GABRA2: variants seen among roughly 807,000 people sequenced by gnomAD.
The protein encoded by GABRA2 is gamma-aminobutyric acid type A receptor subunit alpha2.
Under a neutral mutation model 48.7 loss-of-function variants are expected in GABRA2, and 16 were observed. The observed-to-expected ratio is 0.33, with a 90% CI of 0.22 to 0.50. GABRA2 has a LOEUF of 0.50. Ranked by LOEUF, GABRA2 falls within the 20% of genes least tolerant of loss-of-function variation. The probability of loss-of-function intolerance (pLI) is 0.98; values close to 1 mark genes in which losing one functional copy is unlikely to be tolerated. For synonymous variants in GABRA2, 185 were observed against 184.5 expected, an observed-to-expected ratio of 1.00 and a Z score of -0.02; for missense variants, 275 against 535.6, an observed-to-expected ratio of 0.51 and a Z score of 4.80.
chr4:46,301,758 C>T (rs1725780920), intron 8 of GABRA2, among the ~76,000 whole-genome samples: 1 of 152,112 alleles, frequency 6.6e-6, no homozygotes, highest in Non-Finnish European at 1.5e-5. Context: ...ACCTTATTAC[C>T]CTTCCTGGTT....
rs1578114211 is a variant in GABRA2 at position 46,342,454 on chromosome 4, G to A, written c.188-9772C>T. Reference sequence around the variant, plus strand: ...TTTCACTCCAAGTATTAAAAGCTGTGGCCTTATATTCATGACCCACACAAC... The same window carrying A: ...TTTCACTCCAAGTATTAAAAGCTGTAGCCTTATATTCATGACCCACACAAC... On this transcript the variant is annotated intron_variant, in intron 3 of 9. Coordinates refer to ENST00000381620, the MANE Select transcript of GABRA2 (RefSeq NM_000807.4). Among the ~76,000 whole-genome samples the A allele has an allele frequency of 2.0e-5, 3 of 151,966 alleles. No individual in the cohort carries two copies. In the East Asian group the frequency reaches 5.9e-4, roughly 30 times the overall value.
At chr4:46,336,731 G>A (rs1252344186) in intron 3 of GABRA2, among the ~76,000 whole-genome samples, 8 of 152,068 alleles carry the variant, frequency 5.3e-5, no homozygotes, top group Non-Finnish European at 1.2e-4. Context: ...CTGCAGACAT[G>A]TACTGAGGAA....
intron 8 of GABRA2, among the ~76,000 whole-genome samples, chr4:46,268,153 A>C (rs1368328644): frequency 6.6e-6 from 1 of 151,948 alleles, no homozygotes; most frequent in East Asian, 1.9e-4. Context: ...ATGATTTTTT[A>C]GGTTTGACTG....
chr4:46,289,629 A>T (rs1360758740), intron 8 of GABRA2, among the ~76,000 whole-genome samples: 3 of 152,146 alleles, frequency 2.0e-5, no homozygotes, highest in Non-Finnish European at 4.4e-5. Context: ...TAATGAAATA[A>T]TCTGCACAAC....
chr4:46,258,625 C>A (rs534412906), intron 9 of GABRA2, among the ~76,000 whole-genome samples: 2 of 151,740 alleles, frequency 1.3e-5, no homozygotes, highest in Non-Finnish European at 2.9e-5. Context: ...ACTCTGAACT[C>A]TGGCAGAGAA....
intron 3 of GABRA2, among the ~76,000 whole-genome samples, chr4:46,361,742 G>A (rs989942054): frequency 6.6e-6 from 1 of 152,240 alleles, no homozygotes; most frequent in Non-Finnish European, 1.5e-5. Flanking sequence ...CAGCCAGGAG[G>A]AGGGCTATAC....
At chr4:46,361,557 A>G (rs557627672) in intron 3 of GABRA2, among the ~76,000 whole-genome samples, 3 of 152,196 alleles carry the variant, frequency 2.0e-5, no homozygotes, top group Non-Finnish European at 4.4e-5. Flanking sequence ...TGCTAGAACA[A>G]TGAGGAAGGG....
intron 3 of GABRA2, among the ~76,000 whole-genome samples, chr4:46,341,282 C>T (rs2109855054): frequency 6.6e-6 from 1 of 151,756 alleles, no homozygotes; most frequent in South Asian, 2.1e-4. Context: ...ACATATTTTC[C>T]TGTTTCTTTT....
chr4:46,311,865 G>A (rs1368736123), intron 5 of GABRA2, among the ~76,000 whole-genome samples: 3 of 152,200 alleles, frequency 2.0e-5, no homozygotes, highest in Non-Finnish European at 4.4e-5. Context: ...TTGGGATGCC[G>A]AGGTGGGTGG....
intron 8 of GABRA2, among the ~76,000 whole-genome samples, chr4:46,293,214 A>G (rs1454633791): frequency 6.6e-6 from 1 of 152,192 alleles, no homozygotes; most frequent in Non-Finnish European, 1.5e-5. Context: ...GGAATTATAA[A>G]AACAGAGAAT....
intron 3 of GABRA2, among the ~76,000 whole-genome samples, chr4:46,359,138 CT>C (rs1712707624): frequency 6.6e-6 from 1 of 152,108 alleles, no homozygotes; most frequent in African/African-American, 2.4e-5. Context: ...AAATATTCTT[CT>C]TGACCCAAAG....
chr4:46,345,679 G>A (rs1389200535), intron 3 of GABRA2, among the ~76,000 whole-genome samples: 1 of 151,764 alleles, frequency 6.6e-6, no homozygotes, highest in Non-Finnish European at 1.5e-5. Flanking sequence ...GGCTCACTTT[G>A]CCACTCCCTC....
chr4:46,255,808 A>G (rs1715696327), intron 9 of GABRA2, among the ~76,000 whole-genome samples: 1 of 151,610 alleles, frequency 6.6e-6, no homozygotes, highest in Non-Finnish European at 1.5e-5. Flanking sequence ...AACAATCTTG[A>G]CTTCCTATGA....
intron 8 of GABRA2, among the ~76,000 whole-genome samples, chr4:46,278,757 A>G (rs1212778917): frequency 6.6e-6 from 1 of 152,064 alleles, no homozygotes; most frequent in Non-Finnish European, 1.5e-5. Flanking sequence ...CACCAATTAC[A>G]CTGAAAACAA....
chr4:46,345,897 A>G (rs1327568411), intron 3 of GABRA2, among the ~76,000 whole-genome samples: 1 of 151,976 alleles, frequency 6.6e-6, no homozygotes, highest in Admixed American at 6.6e-5. Flanking sequence ...TGTAATTTAG[A>G]TTTTAACAGT....
intron 3 of GABRA2, among the ~76,000 whole-genome samples, chr4:46,377,614 C>T (rs902448769): frequency 1.3e-4 from 19 of 150,036 alleles, no homozygotes; most frequent in African/African-American, 4.4e-4. Flanking sequence ...GGGGGGTCAG[C>T]CCCCCGCCCG....
rs1308951505 is a variant in GABRA2 at position 46,389,935 on chromosome 4, G to C, written c.-211C>G. On this transcript the variant is annotated 5_prime_UTR_variant, in exon 1 of 10. Transcript: ENST00000381620. ...GCCGGAGAGGAGCGCTAGGAGCCGC[G>C]GCGGCGGCGCGAGGTGTAGAAGGAG... 3.0e-6 allele frequency: 3 copies of C among 988,362 alleles called. No individual in the cohort carries two copies. The highest frequency in any genetic ancestry group is 3.6e-6 in the Non-Finnish European group (3 of 831,914). 61.2% of individuals were successfully genotyped at this position (988,362 alleles called of 1,614,324 possible). A position where few individuals can be genotyped will look rare whatever the true frequency, so the allele number is the denominator to read the frequency against.
intron 4 of GABRA2, among the ~76,000 whole-genome samples, chr4:46,322,111 G>A (rs771301580): frequency 6.6e-6 from 1 of 151,890 alleles, no homozygotes; most frequent in Non-Finnish European, 1.5e-5. Context: ...CATCAACTTT[G>A]AAAAACACAG....
At chr4:46,333,761 A>G (rs1211213615) in intron 3 of GABRA2, among the ~76,000 whole-genome samples, 1 of 152,056 alleles carries the variant, frequency 6.6e-6, no homozygotes, top group Non-Finnish European at 1.5e-5. Context: ...ATTCTCTGTT[A>G]CCCCTATGCA....
Sources: gnomAD v4.1 joint callset for allele counts (sites outside exome capture counted in the v4.1 genomes callset) on GRCh38, gnomAD v4.1.1 for gene constraint, MANE v1.5 for transcripts, NCBI Gene and HGNC (gene_info 2026-07-23, HGNC 2026-07-21) for gene names.